The following AKAP19 variants were observed in gnomAD, a reference collection of about 807,000 sequenced individuals.
The protein encoded by AKAP19 is small A-kinase anchoring protein.
At chr2:190,098,703 T>C in the AKAP19 span, among the ~76,000 whole-genome samples, 1 of 152,234 alleles carries the variant, frequency 6.6e-6, no homozygotes, top group African/African-American at 2.4e-5. Context: ...TTCTCCTCTC[T>C]AGCTATGAAA....
At chr2:190,197,067 G>A in the AKAP19 span, among the ~76,000 whole-genome samples, 1 of 152,076 alleles carries the variant, frequency 6.6e-6, no homozygotes, top group African/African-American at 2.4e-5. This position sits in a 1 kb window ranked among gnomAD's most constrained non-coding sequence, Gnocchi z 4.0. Context: ...TAGGGGCAAG[G>A]GAACTCTCTG....
chr2:190,024,765 C>T, the AKAP19 span, among the ~76,000 whole-genome samples: 6 of 152,078 alleles, frequency 3.9e-5, no homozygotes, highest in Non-Finnish European at 5.9e-5. Flanking sequence ...CCAATATACA[C>T]CTAATATTTC....
the AKAP19 span, among the ~76,000 whole-genome samples, chr2:190,075,487 T>G: frequency 5.3e-5 from 8 of 152,196 alleles, no homozygotes; most frequent in Admixed American, 1.3e-4. Context: ...CATTTGTCAG[T>G]TTTTAAATGT....
chr2:190,029,336 G>A, the AKAP19 span, among the ~76,000 whole-genome samples: 1 of 152,026 alleles, frequency 6.6e-6, no homozygotes, highest in Non-Finnish European at 1.5e-5. Context: ...ACAGGCATGA[G>A]GCACCGCGCC....
chr2:190,003,250 C>T, the AKAP19 span, among the ~76,000 whole-genome samples: 2 of 151,978 alleles, frequency 1.3e-5, no homozygotes, highest in African/African-American at 2.4e-5. Context: ...TAGATAATGA[C>T]AATTTTTCAT....
the AKAP19 span, among the ~76,000 whole-genome samples, chr2:190,053,394 C>T: frequency 1.3e-5 from 2 of 152,146 alleles, no homozygotes; most frequent in Middle Eastern, 6.8e-3. Context: ...GAATGGCAAC[C>T]AAGATAAACT....
the AKAP19 span, among the ~76,000 whole-genome samples, chr2:189,940,870 G>A: frequency 7.3e-4 from 111 of 152,002 alleles, no homozygotes; most frequent in African/African-American, 2.4e-3. Flanking sequence ...CAACCTGGGC[G>A]ACAGAGCAAG....
At chr2:189,956,225 A>G in the AKAP19 span, among the ~76,000 whole-genome samples, 1 of 122,266 alleles carries the variant, frequency 8.2e-6, no homozygotes, top group African/African-American at 3.2e-5. Flanking sequence ...GCTGGAGTGC[A>G]GTGGCGGGAT....
At chr2:190,115,970 A>G in the AKAP19 span, among the ~76,000 whole-genome samples, 1 of 152,186 alleles carries the variant, frequency 6.6e-6, no homozygotes, top group East Asian at 1.9e-4. Context: ...ATGCATGTGT[A>G]TGTGTACGTG....
chr2:189,996,321 G>A, the AKAP19 span, among the ~76,000 whole-genome samples: 7 of 151,984 alleles, frequency 4.6e-5, no homozygotes, highest in Non-Finnish European at 7.4e-5. Context: ...TTGTCTGATC[G>A]GGTTAATTCA....
chr2:190,001,874 G>C, the AKAP19 span, among the ~76,000 whole-genome samples: 1 of 152,156 alleles, frequency 6.6e-6, no homozygotes, highest in Non-Finnish European at 1.5e-5. Flanking sequence ...TCAAGAATGT[G>C]ATTGCCCCTA....
the AKAP19 span, among the ~76,000 whole-genome samples, chr2:190,138,523 T>C: frequency 3.9e-5 from 6 of 152,226 alleles, no homozygotes; most frequent in African/African-American, 1.2e-4. Context: ...CAGTCAACAA[T>C]GCATTCATCC....
chr2:190,133,035 G>T, the AKAP19 span, among the ~76,000 whole-genome samples: 2 of 151,924 alleles, frequency 1.3e-5, no homozygotes, highest in Non-Finnish European at 2.9e-5. Flanking sequence ...AGGAGATAGA[G>T]ACCATCCTGG....
the AKAP19 span, among the ~76,000 whole-genome samples, chr2:190,149,606 A>G: frequency 5.3e-5 from 8 of 152,058 alleles, no homozygotes; most frequent in African/African-American, 1.9e-4. Context: ...CAAGTTATTT[A>G]ATTTCCATAT....
At chr2:190,200,347 G>GATTTTAGTCATCTGAA in the AKAP19 span, 4 of 561,238 alleles carry the variant, frequency 7.1e-6, no homozygotes, top group Non-Finnish European at 1.3e-5. Context: ...TTTAGTCTTA[G>GATTTTAGTCATCTGAA]ATTTTAGTCA....
At chr2:190,057,754 T>A in the AKAP19 span, 3 of 1,099,556 alleles carry the variant, frequency 2.7e-6, no homozygotes, top group Non-Finnish European at 4.0e-6. Flanking sequence ...ATACCACATT[T>A]ATTTTTAAAA....
chr2:190,169,698 G>T, the AKAP19 span, among the ~76,000 whole-genome samples: 1 of 152,192 alleles, frequency 6.6e-6, no homozygotes, highest in Non-Finnish European at 1.5e-5. Flanking sequence ...GAGGTAATAT[G>T]CATTTGCCTT....
the AKAP19 span, among the ~76,000 whole-genome samples, chr2:189,906,409 C>CT: frequency 1.3e-5 from 2 of 152,010 alleles, no homozygotes; most frequent in Non-Finnish European, 2.9e-5. Context: ...TTCGTCTAGT[C>CT]TTTTTGACAT....
the AKAP19 span, among the ~76,000 whole-genome samples, chr2:190,159,337 G>A: frequency 1.3e-5 from 2 of 152,170 alleles, no homozygotes; most frequent in Non-Finnish European, 2.9e-5. Context: ...GATGAGTACT[G>A]TTGTGCTGAG....
Sources: allele counts gnomAD v4.1 joint callset (sites outside exome capture counted in the v4.1 genomes callset), GRCh38; gene constraint gnomAD v4.1.1; non-coding constraint Gnocchi (gnomAD v3.1); transcripts MANE v1.5; gene names NCBI Gene and HGNC (gene_info 2026-07-23, HGNC 2026-07-21).